FBN2: variants seen among roughly 807,000 people sequenced by gnomAD.
The protein encoded by FBN2 is fibrillin-2.
FBN2 carries 105 observed loss-of-function variants against 355.6 expected under a neutral mutation model. That is an observed-to-expected ratio of 0.30 (90% CI 0.25 to 0.35). The LOEUF (loss-of-function observed/expected upper bound fraction) is 0.35, where lower values mean the gene tolerates loss of function less well. Ranked by LOEUF, FBN2 falls within the 10% of genes least tolerant of loss-of-function variation. FBN2 has a pLI of 1.00. For synonymous variants in FBN2, 1,350 were observed against 1,301.2 expected, an observed-to-expected ratio of 1.04 and a Z score of -0.81; for missense variants, 3,280 against 3,758.7, an observed-to-expected ratio of 0.87 and a Z score of 3.33.
At chr5:128,290,929 CTGTT>C (rs1749305516) in intron 49 of FBN2, 45 bp from the exon 50 acceptor site, 1 of 1,561,644 alleles carries the variant, frequency 6.4e-7, no homozygotes, top group South Asian at 1.1e-5. Context: ...TTTTGTAACA[CTGTT>C]TGGACAGAAC....
In FBN2 at chr5:128,318,199, C is replaced by T. The variant is rs1750264644; in HGVS notation, c.4667G>A (p.Cys1556Tyr). The change falls in exon 36 of 65, where the codon TGT (cysteine) becomes TAT (tyrosine). Residue 1556 changes from cysteine to tyrosine, a missense_variant. Coordinates refer to ENST00000262464, the MANE Select transcript of FBN2 (RefSeq NM_001999.4). The stretch of plus-strand genomic sequence containing the variant: ...CAACTGAAAATCGGGTGGGCAGTTA[C>T]ACTCATAGCGACCAGGCGTGTTGAC... ...LCVNTPGRYECNCPPDFQLNP... is the reference protein window; with the variant it reads ...LCVNTPGRYEYNCPPDFQLNP... The T allele has an allele frequency of 6.2e-7, 1 of 1,614,094 alleles. No individual in the cohort carries two copies. Among genetic ancestry groups the T allele is most frequent in the African/African-American group, 1.3e-5 (1 of 75,046 alleles).
At chr5:128,391,902 T>C in intron 11 of FBN2, 116 bp downstream of exon 11, 3 of 913,772 alleles carry the variant, frequency 3.3e-6, no homozygotes, top group Non-Finnish European at 5.2e-6. Context: ...AGAGACAGTT[T>C]GGAAATTAGC....
chr5:128,371,509 A>ATCCT (rs55789200), intron 15 of FBN2, among the ~76,000 whole-genome samples: 28,077 of 102,474 alleles, frequency 0.27, 3,795 homozygotes, highest in Middle Eastern at 0.42. Context: ...CCCTCCCTCC[A>ATCCT]TCCTTCCTTC....
In FBN2 at chr5:128,464,885, T is replaced by C; in HGVS notation, c.665A>G (p.Asn222Ser). The change falls in exon 6 of 65, where the codon AAC becomes AGC. Residue 222 changes from asparagine (N) to serine (S), a missense_variant. By Grantham distance (46) the Asn-to-Ser change is conservative. Coordinates refer to ENST00000262464, the MANE Select transcript of FBN2 (RefSeq NM_001999.4). ...RTGPCFTQVN[N>S]QMCQGQLTGI... The stretch of plus-strand genomic sequence containing the variant: ...TGTCAGCTGCCCTTGGCACATCTGG[T>C]TGTTGACCTGAGTGAAACACGGGCC... 1 of 1,614,214 alleles carries C rather than the reference T, an allele frequency of 6.2e-7. No homozygotes were observed. The highest frequency in any genetic ancestry group is 8.5e-7 in the Non-Finnish European group (1 of 1,180,036).
At chr5:128,323,130 T>C (rs914015175) in intron 34 of FBN2, among the ~76,000 whole-genome samples, 2 of 152,228 alleles carry the variant, frequency 1.3e-5, no homozygotes, top group African/African-American at 2.4e-5. Flanking sequence ...ACTGCTGAAA[T>C]TGCTTATCAG....
At chr5:128,358,623 T>TA (rs1267534138) in intron 19 of FBN2, among the ~76,000 whole-genome samples, 1 of 152,052 alleles carries the variant, frequency 6.6e-6, no homozygotes, top group African/African-American at 2.4e-5. Context: ...GAAAACCTCT[T>TA]AAAAATACAA....
At chr5:128,519,918 A>G (rs1177163663) in intron 4 of FBN2, among the ~76,000 whole-genome samples, 4 of 152,170 alleles carry the variant, frequency 2.6e-5, no homozygotes, top group African/African-American at 9.7e-5. Context: ...GGAAGGGCAA[A>G]ACAAAGAAAA....
intron 7 of FBN2, among the ~76,000 whole-genome samples, chr5:128,431,765 T>A (rs1753633255): frequency 6.6e-6 from 1 of 152,170 alleles, no homozygotes; most frequent in African/African-American, 2.4e-5. Context: ...TAAGATACTG[T>A]GACAGTGAAT....
At chr5:128,276,319 G>A (rs974185818) in intron 58 of FBN2, among the ~76,000 whole-genome samples, 159 bp from the exon 59 acceptor site, 3 of 152,156 alleles carry the variant, frequency 2.0e-5, no homozygotes, top group African/African-American at 7.2e-5. Flanking sequence ...TTTTTCTAAA[G>A]TAACATGCGG....
At chr5:128,500,430 CTTTTTTTTTTTTTTTTTT>C (rs149068555) in intron 5 of FBN2, among the ~76,000 whole-genome samples, 3 of 51,192 alleles carry the variant, frequency 5.9e-5, no homozygotes, top group South Asian at 8.4e-4. Flanking sequence ...TCTGACAATT[CTTTTTTTTTTTTTTTTTT>C]TTTTTTTTTT....
intron 55 of FBN2, among the ~76,000 whole-genome samples, chr5:128,283,081 T>G (rs572833240): frequency 4.6e-5 from 7 of 152,338 alleles, no homozygotes; most frequent in Admixed American, 3.3e-4. Context: ...ACCTTTTGTC[T>G]TCTTCCAACA....
At chr5:128,448,904 T>C (rs975420441) in intron 6 of FBN2, among the ~76,000 whole-genome samples, 17 of 152,194 alleles carry the variant, frequency 1.1e-4, no homozygotes, top group African/African-American at 3.1e-4. Flanking sequence ...ATCCTTTAAA[T>C]TGTCTATTAA....
intron 20 of FBN2, among the ~76,000 whole-genome samples, 158 bp downstream of exon 20, chr5:128,357,118 T>C (rs929766709): frequency 9.2e-5 from 14 of 152,218 alleles, no homozygotes; most frequent in Admixed American, 8.5e-4. Context: ...AATGCTATTA[T>C]GTTTTACCTC....
intron 4 of FBN2, among the ~76,000 whole-genome samples, chr5:128,524,055 T>C (rs1185176058): frequency 6.6e-6 from 1 of 152,094 alleles, no homozygotes; most frequent in Non-Finnish European, 1.5e-5. Flanking sequence ...GTCCAAATTT[T>C]GTTCCTTGGC....
chr5:128,280,291 C>G lies in FBN2; in HGVS notation c.7039G>C (p.Gly2347Arg). 6.2e-7 allele frequency: 1 copy of G among 1,611,674 alleles called. No individual in the cohort carries two copies. The highest frequency in any genetic ancestry group is 8.5e-7 in the Non-Finnish European group (1 of 1,178,038). ...ACACAACGTCCATTTTCACAGATTC[C>G]TGGCTTGGTCCTGCATTCATTTTCA... is the stretch of plus-strand genomic sequence containing the variant. ...VDENECRTKPGICENGRCVNI... is the reference protein window; with the variant it reads ...VDENECRTKPRICENGRCVNI... Residue 2347 changes from glycine (G) to arginine (R), a missense_variant, in exon 56 of 65, where the codon GGA (glycine) becomes CGA (arginine). By Grantham distance (125) the Gly-to-Arg change is moderately radical. Transcript: ENST00000262464.
At chr5:128,300,493 G>C (rs1749682566) in intron 48 of FBN2, among the ~76,000 whole-genome samples, 1 of 152,134 alleles carries the variant, frequency 6.6e-6, no homozygotes, top group African/African-American at 2.4e-5. Context: ...TTTTAAAACT[G>C]GGTGCCAAAG....
chr5:128,289,824 G>T, intron 51 of FBN2, 58 bp downstream of exon 51: 1 of 988,218 alleles, frequency 1.0e-6, no homozygotes, highest in Non-Finnish European at 1.6e-6. Context: ...TAAAATAAAT[G>T]TAAAATAATA....
chr5:128,481,318 C>T (rs896491380), intron 5 of FBN2, among the ~76,000 whole-genome samples: 2 of 152,120 alleles, frequency 1.3e-5, no homozygotes, highest in East Asian at 1.9e-4. Context: ...AGTACTGTTC[C>T]GACCTGGCAA....
At chr5:128,479,984 A>C (rs1480304870) in intron 5 of FBN2, among the ~76,000 whole-genome samples, 722 of 18,142 alleles carry the variant, frequency 0.04, no homozygotes, top group East Asian at 0.12. Context: ...CTCTATATAT[A>C]TATATATATA....
Sources: allele counts gnomAD v4.1 joint callset (sites outside exome capture counted in the v4.1 genomes callset), GRCh38; gene constraint gnomAD v4.1.1; transcripts MANE v1.5; gene names NCBI Gene and HGNC (gene_info 2026-07-23, HGNC 2026-07-21).